PKP3: variants seen among roughly 807,000 people sequenced by gnomAD.
PKP3 encodes the protein plakophilin 3, also known as plakophilin-3.
A neutral mutation model predicts 76.5 loss-of-function variants in PKP3; 66 were observed. That is an observed-to-expected ratio of 0.86 (90% CI 0.71 to 1.06). PKP3 has a LOEUF of 1.06. PKP3 is among the 50% of genes least tolerant of loss of function. The pLI, the probability that PKP3 is intolerant of heterozygous loss-of-function variation, is 0.00. For synonymous variants in PKP3, 638 were observed against 516.5 expected (o/e 1.24, Z -3.19); for missense variants, 1,338 against 1,141.0 (o/e 1.17, Z -2.49).
Position 400,145 on chromosome 11 carries a change from C to A in PKP3, c.1448+4C>A. 6.5e-7 allele frequency: 1 copy of A among 1,542,336 alleles called. No individual in the cohort carries two copies. Among genetic ancestry groups the A allele is most frequent in the Non-Finnish European group, 8.7e-7 (1 of 1,147,662 alleles). On this transcript the variant is annotated splice_donor_region_variant and intron_variant, in intron 6 of 12. Coordinates refer to ENST00000331563, the MANE Select transcript of PKP3 (RefSeq NM_007183.4). ...ACAACGCCACCGGCTTCCTCAGGTG[C>A]GCCAGCCTCGGGCAGCGGGGTGGGG... is the stretch of plus-strand genomic sequence containing the variant.
chr11:397,703 T>A, intron 4 of PKP3, 41 bp downstream of exon 4: 1 of 1,592,492 alleles, frequency 6.3e-7, no homozygotes, highest in East Asian at 2.2e-5. Flanking sequence ...CCTGGTGACC[T>A]CCTTCGTGGG....
At chr11:396,727 C>T in intron 2 of PKP3, 40 bp downstream of exon 2, 2 of 1,590,670 alleles carry the variant, frequency 1.3e-6, no homozygotes, top group Non-Finnish European at 1.7e-6. Context: ...GATCTGAGCT[C>T]TGCAGTCTGG....
intron 1 of PKP3, among the ~76,000 whole-genome samples, chr11:395,087 G>A (rs774175892): frequency 4.3e-4 from 66 of 152,238 alleles, no homozygotes; most frequent in South Asian, 1.5e-3. Context: ...GCAGGTGGAG[G>A]AGCACCCCTC....
At position 394,503 on chromosome 11, in the gene PKP3, C is replaced by A; in HGVS notation, c.211C>A (p.Pro71Thr). 7.2e-7 allele frequency: 1 copy of A among 1,392,586 alleles called. No homozygotes were observed. The allele number at this position is 1,392,586 out of a possible 1,614,324, so 86.3% of individuals were successfully genotyped here. A position where few individuals can be genotyped will look rare whatever the true frequency, so the allele number is the denominator to read the frequency against. The change falls in exon 1 of 13, where the codon CCT becomes ACT. Residue 71 changes from proline (P) to threonine (T), a missense_variant. Physicochemically the swap from Pro to Thr is conservative, Grantham distance 38 (BLOSUM62 -1). Transcript: ENST00000331563. ...GCACAACGGGGCCGCTGAGCCCGAG[C>A]CTGAGGCCGAGACTGCCAGAGGTAG... Reference protein sequence around the residue: ...PRHNGAAEPEPEAETARGTSR... With the variant: ...PRHNGAAEPETEAETARGTSR...
rs772668821 is a variant in PKP3, at chr11:397,285, G to A, written c.784G>A (p.Gly262Arg). Residue 262 changes from glycine (G) to arginine (R), a missense_variant, in exon 3 of 13, where the codon GGG becomes AGG. Coordinates refer to ENST00000331563, the MANE Select transcript of PKP3 (RefSeq NM_007183.4). Reference sequence around the variant, plus strand: ...ATTCCAGAGCAGCCACCGGAGCCGCGGGGTAGGCGGGGCAGTGCCGGGGGC... The same window carrying A: ...ATTCCAGAGCAGCCACCGGAGCCGCAGGGTAGGCGGGGCAGTGCCGGGGGC... ...QRFQSSHRSR[G>R]VGGAVPGAVL... The A allele has an allele frequency of 5.6e-6, 9 of 1,593,858 alleles. No homozygotes were observed. In the South Asian group the frequency reaches 7.8e-5, roughly 14 times the overall value.
chr11:403,488 G>A, intron 9 of PKP3, 130 bp from the exon 10 acceptor site: 1 of 953,580 alleles, frequency 1.0e-6, no homozygotes, highest in African/African-American at 1.6e-5. Flanking sequence ...CCCCCCGGCT[G>A]GGGGGCAAAG....
chr11:399,261 C>G, intron 5 of PKP3, 65 bp downstream of exon 5: 1 of 1,021,896 alleles, frequency 9.8e-7, no homozygotes, highest in African/African-American at 1.9e-5. Context: ...ATCCCCCCTG[C>G]CTTCCTCCCC....
Position 404,724 on chromosome 11 carries a change from C to G in PKP3, c.*155C>G. On this transcript the variant is annotated 3_prime_UTR_variant, in exon 13 of 13. Transcript: ENST00000331563. This position sits in a 1 kb window ranked among gnomAD's most constrained non-coding sequence, Gnocchi z 4.2. ...TGCATCTTTGAGGGTCCTGGGCCAC[C>G]AGGAGGGGCAGGGTCTTATAGCTGG... The G allele has an allele frequency of 1.5e-6, 1 of 652,552 alleles. No individual in the cohort carries two copies. The highest frequency in any genetic ancestry group is 1.8e-5 in the South Asian group (1 of 54,684). 40.4% of individuals were successfully genotyped at this position (652,552 alleles called of 1,614,324 possible).
At position 397,301 on chromosome 11, in the gene PKP3, T is replaced by C; in HGVS notation, c.800T>C (p.Val267Ala). The change falls in exon 3 of 13, where the codon GTG becomes GCG. Residue 267 changes from valine to alanine, a missense_variant. By Grantham distance (64) the Val-to-Ala change is moderately conservative. Coordinates refer to ENST00000331563, the MANE Select transcript of PKP3 (RefSeq NM_007183.4). ...CGGAGCCGCGGGGTAGGCGGGGCAG[T>C]GCCGGGGGCCGTCCTGGAGCCAGTG... ...SHRSRGVGGA[V>A]PGAVLEPVAR... is the part of the protein sequence containing the mutation. 1 of 1,591,596 alleles carries C rather than the reference T, an allele frequency of 6.3e-7. No homozygotes were observed.
chr11:404,496 A>T lies in PKP3; in HGVS notation c.2359-38A>T, dbSNP rs1343798392. 6.2e-7 allele frequency: 1 copy of T among 1,609,188 alleles called. No individual in the cohort carries two copies. Among genetic ancestry groups the T allele is most frequent in the Admixed American group, 1.7e-5 (1 of 60,024 alleles). ...ACAGCGGGCAGAGGGCCACATGGGC[A>T]GACATGCACCCTGACCTTGGGCCTC... On this transcript the variant is annotated intron_variant, in intron 12 of 12. Transcript: ENST00000331563. This position sits in a 1 kb window ranked among gnomAD's most constrained non-coding sequence, Gnocchi z 4.2.
chr11:396,386 TG>T, intron 1 of PKP3: 2 of 497,760 alleles, frequency 4.0e-6, no homozygotes, highest in South Asian at 3.3e-5. Flanking sequence ...GAGGCACAGC[TG>T]GGGGGTGGGC....
At chr11:403,545 C>T (rs35828848) in intron 9 of PKP3, 73 bp from the exon 10 acceptor site, 345,093 of 1,457,650 alleles carry the variant, frequency 0.24, 49,210 homozygotes, top group East Asian at 0.68. Flanking sequence ...TGCAGCGACC[C>T]CATTGTGGCA....
Position 404,685 on chromosome 11 carries a change from C to CG in PKP3, c.*116_*117insG. The CG allele has an allele frequency of 2.2e-5, 21 of 938,388 alleles. No individual in the cohort carries two copies. Among genetic ancestry groups the CG allele is most frequent in the Non-Finnish European group, 3.2e-5 (19 of 600,760 alleles). 58.1% of individuals were successfully genotyped at this position (938,388 alleles called of 1,614,324 possible). ...AGGCTAATGACGGAGGGGCCCCTCGCTGGGGCCCCTGTGTGCATCTTTGAG... is the reference window on the plus strand; with the variant it reads ...AGGCTAATGACGGAGGGGCCCCTCGCGTGGGGCCCCTGTGTGCATCTTTGAG... On this transcript the variant is annotated 3_prime_UTR_variant, in exon 13 of 13. Transcript: ENST00000331563. The surrounding 1 kb of genome is among the most constrained non-coding windows in gnomAD (Gnocchi z 4.2).
At position 394,264 on chromosome 11, in the gene PKP3, C is replaced by A; in HGVS notation, c.-29C>A. 1 of 1,469,906 alleles carries A rather than the reference C, an allele frequency of 6.8e-7. No individual in the cohort carries two copies. The highest frequency in any genetic ancestry group is 2.5e-5 in the Admixed American group (1 of 40,810). The allele number at this position is 1,469,906 out of a possible 1,614,324, so 91.1% of individuals were successfully genotyped here. ...AGATAGTTGGGTTTGGAGGCGGCCG[C>A]CAGGCCCAGGCCCGGTGGACCTGCC... is the stretch of plus-strand genomic sequence containing the variant. On this transcript the variant is annotated 5_prime_UTR_variant, in exon 1 of 13. Coordinates refer to ENST00000331563, the MANE Select transcript of PKP3 (RefSeq NM_007183.4).
chr11:396,991 T>C lies in PKP3; in HGVS notation c.490T>C (p.Phe164Leu), dbSNP rs1187959875. 6.3e-7 allele frequency: 1 copy of C among 1,598,256 alleles called. No individual in the cohort carries two copies. The highest frequency in any genetic ancestry group is 8.5e-7 in the Non-Finnish European group (1 of 1,178,098). ...TCCCATGCCCACCAGGCCCGTGTCC[T>C]TCCATGAGCGCGGTGGGGTTGGGAG... ...TPPMPTRPVS[F>L]HERGGVGSRA... Residue 164 changes from phenylalanine (F) to leucine (L), a missense_variant, in exon 3 of 13, where the codon TTC becomes CTC. Transcript: ENST00000331563.
rs779338985 is a variant in PKP3, at chr11:404,146, AC to A, written c.2270+14del. 151 of 1,608,480 alleles carry A rather than the reference AC, an allele frequency of 9.4e-5. No individual in the cohort carries two copies. Among genetic ancestry groups the A allele is most frequent in the Admixed American group, 6.0e-4 (36 of 59,784 alleles). ...GAAGAAGCGGGACAGGTAGGGGCCG[AC>A]CCAGCCGTGCAGCAGCCTGGTCAGG... On this transcript the variant is annotated intron_variant, in intron 11 of 12. Transcript: ENST00000331563. The surrounding 1 kb of genome is among the most constrained non-coding windows in gnomAD (Gnocchi z 4.2).
At position 404,384 on chromosome 11, in the gene PKP3, A is replaced by G; in HGVS notation, c.2358+61A>G. 1.3e-6 allele frequency: 2 copies of G among 1,513,634 alleles called. No individual in the cohort carries two copies. Among genetic ancestry groups the G allele is most frequent in the Non-Finnish European group, 9.2e-7 (1 of 1,090,224 alleles). The allele number at this position is 1,513,634 out of a possible 1,614,324, so 93.8% of individuals were successfully genotyped here. A position where few individuals can be genotyped will look rare whatever the true frequency, so the allele number is the denominator to read the frequency against. On this transcript the variant is annotated intron_variant, in intron 12 of 12. Coordinates refer to ENST00000331563, the MANE Select transcript of PKP3 (RefSeq NM_007183.4). This position sits in a 1 kb window ranked among gnomAD's most constrained non-coding sequence, Gnocchi z 4.2. ...GGTGCAGGGCATGGGACGCCGGGGG[A>G]GGGTCAGTGAAGAGGCCCATGGGAG... is the stretch of plus-strand genomic sequence containing the variant.
Position 403,227 on chromosome 11 carries a change from CG to C in PKP3, c.1891del (p.Ala631ArgfsTer16). 1.3e-6 allele frequency: 2 copies of C among 1,588,138 alleles called. No homozygotes were observed. Among genetic ancestry groups the C allele is most frequent in the Admixed American group, 1.8e-5 (1 of 56,662 alleles). On this transcript the variant is annotated frameshift_variant, in exon 9 of 13. Transcript: ENST00000331563. LOFTEE classifies it high-confidence loss of function. ...LNRHTTEAAA[G>X]ALQNITAGDR... Reference sequence around the variant, plus strand: ...ACCGGCACACGACGGAGGCGGCCGCCGGGGCGCTGCAGAACATCACGGCAGG... The same window carrying C: ...ACCGGCACACGACGGAGGCGGCCGCCGGGCGCTGCAGAACATCACGGCAGG...
chr11:399,868 G>C, intron 5 of PKP3, 99 bp from the exon 6 acceptor site: 4 of 1,011,742 alleles, frequency 4.0e-6, no homozygotes, highest in Non-Finnish European at 5.8e-6. Flanking sequence ...AGAACACCAG[G>C]CCAGCCCCTG....
Sources: allele counts gnomAD v4.1 joint callset (sites outside exome capture counted in the v4.1 genomes callset), GRCh38; gene constraint gnomAD v4.1.1; non-coding constraint Gnocchi (gnomAD v3.1); transcripts MANE v1.5; gene names NCBI Gene and HGNC (gene_info 2026-07-23, HGNC 2026-07-21).